The following GFRA1 variants were observed in gnomAD, a reference collection of about 807,000 sequenced individuals.
GFRA1 encodes GDNF family receptor alpha-1.
GFRA1 carries 16 observed loss-of-function variants against 51.6 expected under a neutral mutation model. The ratio of observed to expected loss-of-function variants is 0.31; its 90% CI spans 0.21 to 0.47. The LOEUF is 0.47. Among genes scored for constraint, GFRA1 ranks in the 20% least tolerant of loss-of-function variants. GFRA1 has a pLI of 1.00. For synonymous variants in GFRA1, 270 were observed against 241.3 expected (o/e 1.12, Z -1.10); for missense variants, 530 against 594.3 (o/e 0.89, Z 1.13).
chr10:116,163,314 C>T (rs1327012217), intron 5 of GFRA1, among the ~76,000 whole-genome samples: 1 of 152,160 alleles, frequency 6.6e-6, no homozygotes, highest in African/African-American at 2.4e-5. Context: ...ACCAAGTGCC[C>T]ACATGCCAGG....
intron 5 of GFRA1, among the ~76,000 whole-genome samples, chr10:116,199,071 C>T (rs568708101): frequency 8.4e-4 from 128 of 152,236 alleles, no homozygotes; most frequent in African/African-American, 2.9e-3. Context: ...TGGAAGCGGC[C>T]GGGACAGATC....
At chr10:116,091,416 G>C (rs1331862659) in intron 8 of GFRA1, among the ~76,000 whole-genome samples, 4 of 152,164 alleles carry the variant, frequency 2.6e-5, no homozygotes, top group African/African-American at 9.7e-5. Context: ...AATTAAGCAA[G>C]GGAGCGCCAG....
In GFRA1 at chr10:116,115,471, A is replaced by ACTTCC. The variant is rs542525083; in HGVS notation, c.770+9745_770+9749dup. On this transcript the variant is annotated intron_variant, in intron 6 of 10. Transcript: ENST00000355422. ...ATGGGAGGAGGTTCTCTGATGTCGC[A>ACTTCC]CTTCCCTTCCCAGCCCAGCCCAGCC... Among the ~76,000 whole-genome samples, 160 of 152,122 alleles carry ACTTCC rather than the reference A, an allele frequency of 1.1e-3. 1 individual carries two copies. In the East Asian group the frequency reaches 0.025, roughly 24 times the overall value.
chr10:116,204,927 G>A (rs1964613942), intron 5 of GFRA1, among the ~76,000 whole-genome samples: 1 of 152,148 alleles, frequency 6.6e-6, no homozygotes, highest in Non-Finnish European at 1.5e-5. Context: ...TGGAAAGGAG[G>A]AGGAAAGTAA....
At chr10:116,269,760 G>A (rs934279568) in intron 3 of GFRA1, among the ~76,000 whole-genome samples, 174 bp from the exon 4 acceptor site, 2 of 152,040 alleles carry the variant, frequency 1.3e-5, no homozygotes, top group Non-Finnish European at 2.9e-5. Context: ...CATTCCCTCC[G>A]CCTTTGTTGT....
intron 5 of GFRA1, among the ~76,000 whole-genome samples, chr10:116,149,211 C>T (rs902791216): frequency 6.6e-6 from 1 of 152,174 alleles, no homozygotes; most frequent in African/African-American, 2.4e-5. Flanking sequence ...GAAGTCATTA[C>T]TCTTTATCTC....
rs554763308 is a variant in GFRA1, at chr10:116,075,768, G to A, written c.1198-10142C>T. On this transcript the variant is annotated intron_variant, in intron 9 of 10. Transcript: ENST00000355422. ...GATCTATTATCTTTTTTTTTGAGACGGAGTCTTGCTCTTTCACCCAGGCTG... is the reference window on the plus strand; with the variant it reads ...GATCTATTATCTTTTTTTTTGAGACAGAGTCTTGCTCTTTCACCCAGGCTG... Among the ~76,000 whole-genome samples the A allele has an allele frequency of 1.2e-4, 18 of 151,668 alleles. No individual in the cohort carries two copies. In the South Asian group the frequency reaches 2.3e-3, roughly 19 times the overall value.
intron 9 of GFRA1, among the ~76,000 whole-genome samples, chr10:116,088,730 C>T (rs1415147531): frequency 6.6e-6 from 1 of 151,840 alleles, no homozygotes; most frequent in African/African-American, 2.4e-5. Context: ...ACCATCCTGG[C>T]TAACATGGTG....
chr10:116,255,943 C>A (rs1968809925), intron 4 of GFRA1: 1 of 155,500 alleles, frequency 6.4e-6, no homozygotes, highest in Non-Finnish European at 1.4e-5. Context: ...TGCGTGCACT[C>A]AAATCATCTA....
chr10:116,128,215 G>A (rs1409792505), intron 5 of GFRA1, among the ~76,000 whole-genome samples: 2 of 152,118 alleles, frequency 1.3e-5, no homozygotes, highest in Non-Finnish European at 2.9e-5. Context: ...CTCAATTAAT[G>A]TTATTAGCCT....
At chr10:116,134,238 G>A (rs1958225744) in intron 5 of GFRA1, among the ~76,000 whole-genome samples, 1 of 152,204 alleles carries the variant, frequency 6.6e-6, no homozygotes, top group African/African-American at 2.4e-5. Flanking sequence ...TTTTAAGGCT[G>A]CAGAATTGAA....
intron 6 of GFRA1, among the ~76,000 whole-genome samples, chr10:116,112,891 G>A (rs1348287639): frequency 1.3e-5 from 2 of 152,314 alleles, no homozygotes; most frequent in Middle Eastern, 3.4e-3. Flanking sequence ...CGAGCTGGGC[G>A]CAAGGCAGGC....
At chr10:116,075,592 G>A (rs970992766) in intron 9 of GFRA1, among the ~76,000 whole-genome samples, 2 of 152,044 alleles carry the variant, frequency 1.3e-5, no homozygotes, top group East Asian at 1.9e-4. Flanking sequence ...GAATTTTATT[G>A]TATCAAGAGG....
At chr10:116,164,914 C>G (rs139900327) in intron 5 of GFRA1, among the ~76,000 whole-genome samples, 1 of 152,090 alleles carries the variant, frequency 6.6e-6, no homozygotes, top group Non-Finnish European at 1.5e-5. Flanking sequence ...ACCATTTATA[C>G]GATTTTTAAA....
chr10:116,213,597 A>G (rs527646244), intron 4 of GFRA1, among the ~76,000 whole-genome samples: 1 of 152,364 alleles, frequency 6.6e-6, no homozygotes, highest in South Asian at 2.1e-4. Context: ...TTAAAAACTA[A>G]GTAGGAACTA....
At chr10:116,080,661 G>C (rs944014776) in intron 9 of GFRA1, among the ~76,000 whole-genome samples, 1 of 152,178 alleles carries the variant, frequency 6.6e-6, no homozygotes, top group Non-Finnish European at 1.5e-5. Flanking sequence ...AATTTCTTGA[G>C]TGCCTGTTAT....
chr10:116,238,801 G>C (rs767654842), intron 4 of GFRA1, among the ~76,000 whole-genome samples: 9 of 152,190 alleles, frequency 5.9e-5, no homozygotes, highest in Non-Finnish European at 1.2e-4. Flanking sequence ...CAAAACAAAT[G>C]GTCATTTTTT....
chr10:116,205,386 C>T (rs979934086), intron 5 of GFRA1, among the ~76,000 whole-genome samples: 7 of 151,764 alleles, frequency 4.6e-5, no homozygotes, highest in East Asian at 3.9e-4. Flanking sequence ...GACCATCTCG[C>T]CAACAAGGTG....
At chr10:116,236,476 T>C (rs1966881953) in intron 4 of GFRA1, among the ~76,000 whole-genome samples, 1 of 152,008 alleles carries the variant, frequency 6.6e-6, no homozygotes, top group South Asian at 2.1e-4. Context: ...AAGAACTAAA[T>C]TAATATGGTC....
Sources: allele counts gnomAD v4.1 joint callset (sites outside exome capture counted in the v4.1 genomes callset), GRCh38; gene constraint gnomAD v4.1.1; transcripts MANE v1.5; gene names NCBI Gene and HGNC (gene_info 2026-07-23, HGNC 2026-07-21).